SDK1: variants seen among roughly 807,000 people sequenced by gnomAD.
SDK1 encodes sidekick cell adhesion molecule 1.
A neutral mutation model predicts 245.5 loss-of-function variants in SDK1; 157 were observed. That is an observed-to-expected ratio of 0.64 (90% confidence interval 0.56 to 0.73). The LOEUF (loss-of-function observed/expected upper bound fraction) is 0.73, where lower values mean the gene tolerates loss of function less well. Ranked by LOEUF, SDK1 falls within the 30% of genes least tolerant of loss-of-function variation. SDK1 has a pLI of 0.00. For missense variants in SDK1, 3,583 were observed against 3,002.3 expected (o/e 1.19, Z -4.52); for synonymous variants, 1,647 against 1,278.5 (o/e 1.29, Z -6.15).
chr7:4,153,628 A>T (rs538254865), intron 30 of SDK1, among the ~76,000 whole-genome samples: 1 of 152,300 alleles, frequency 6.6e-6, no homozygotes, highest in South Asian at 2.1e-4. Context: ...AGGATATGAT[A>T]CATGAGCTTG....
chr7:3,915,235 C>T (rs1779328635), intron 5 of SDK1, among the ~76,000 whole-genome samples: 1 of 152,206 alleles, frequency 6.6e-6, no homozygotes, highest in Non-Finnish European at 1.5e-5. Context: ...AGCTCACTCG[C>T]TGTAGAAAGC....
At chr7:3,341,360 A>T (rs751542097) in intron 1 of SDK1, among the ~76,000 whole-genome samples, 9 of 152,146 alleles carry the variant, frequency 5.9e-5, no homozygotes, top group Non-Finnish European at 1.3e-4. Flanking sequence ...TTCTCAACTA[A>T]AGAGCATCTA....
chr7:3,908,188 G>A, intron 5 of SDK1, among the ~76,000 whole-genome samples: 1 of 152,140 alleles, frequency 6.6e-6, no homozygotes, highest in East Asian at 1.9e-4. Flanking sequence ...GCACAGAATG[G>A]GCCGTGCGCA....
chr7:4,240,589 A>G (rs896048936), intron 42 of SDK1, among the ~76,000 whole-genome samples: 4 of 152,188 alleles, frequency 2.6e-5, no homozygotes, highest in Non-Finnish European at 4.4e-5. Context: ...CCCAGCAGAG[A>G]GGAGCCTCTT....
rs763745793 is a variant in SDK1 at position 4,220,395 on chromosome 7, A to G, written c.5701+125A>G. ...TGTTGGCGGCCAAGAGCTGGCATCA[A>G]CTCGGGGATGTCTGGGCAACATGGA... On this transcript the variant is annotated intron_variant, in intron 39 of 44. Transcript: ENST00000404826. The G allele has an allele frequency of 4.3e-5, 44 of 1,026,058 alleles. No individual in the cohort carries two copies. The South Asian group carries it at 4.9e-4, about 11-fold the overall frequency. The allele number at this position is 1,026,058 out of a possible 1,614,324, so 63.6% of individuals were successfully genotyped here. A position where few individuals can be genotyped will look rare whatever the true frequency, so the allele number is the denominator to read the frequency against.
At chr7:3,769,146 G>A (rs1177864147) in intron 4 of SDK1, among the ~76,000 whole-genome samples, 2 of 152,148 alleles carry the variant, frequency 1.3e-5, no homozygotes, top group Non-Finnish European at 2.9e-5. Context: ...GAGATCCCAT[G>A]GACCCCTTTA....
chr7:4,082,833 C>T (rs1000232024), intron 22 of SDK1, among the ~76,000 whole-genome samples: 1 of 152,048 alleles, frequency 6.6e-6, no homozygotes, highest in Non-Finnish European at 1.5e-5. Context: ...GTTGCCCAGG[C>T]TGGTCTCGAA....
intron 1 of SDK1, among the ~76,000 whole-genome samples, chr7:3,562,414 C>T (rs796725878): frequency 8.5e-5 from 13 of 152,152 alleles, no homozygotes; most frequent in African/African-American, 3.1e-4. Flanking sequence ...ACTGCATATA[C>T]TACTGAGTTC....
In SDK1 at chr7:3,750,913, A is replaced by G. The variant is rs555665494; in HGVS notation, c.714-70537A>G. ...TGTGCCTGGATGTAGCGCTAACAGCACAGAAGAGGTATATGTCAAGCCTGT... is the reference window on the plus strand; with the variant it reads ...TGTGCCTGGATGTAGCGCTAACAGCGCAGAAGAGGTATATGTCAAGCCTGT... On this transcript the variant is annotated intron_variant, in intron 4 of 44. Coordinates refer to ENST00000404826, the MANE Select transcript of SDK1 (RefSeq NM_152744.4). Among the ~76,000 whole-genome samples the G allele has an allele frequency of 1.6e-4, 25 of 152,350 alleles. No homozygotes were observed. The South Asian group carries it at 4.6e-3, about 28-fold the overall frequency.
intron 1 of SDK1, among the ~76,000 whole-genome samples, chr7:3,576,328 T>C (rs1168612155): frequency 2.6e-5 from 4 of 152,116 alleles, no homozygotes; most frequent in Admixed American, 2.6e-4. Context: ...GGAGTTACAC[T>C]GTGTACTTCT....
intron 4 of SDK1, among the ~76,000 whole-genome samples, chr7:3,810,389 T>C (rs1433575297): frequency 6.6e-6 from 1 of 152,172 alleles, no homozygotes; most frequent in African/African-American, 2.4e-5. Flanking sequence ...TGGCTGGAAA[T>C]GTTTCTGCCT....
chr7:4,046,595 T>A (rs1037053589), intron 17 of SDK1, among the ~76,000 whole-genome samples: 1 of 152,222 alleles, frequency 6.6e-6, no homozygotes, highest in East Asian at 1.9e-4. Flanking sequence ...TGAAAACCAG[T>A]GATATATGTG....
chr7:3,571,919 C>G (rs1167434761), intron 1 of SDK1, among the ~76,000 whole-genome samples: 1 of 152,080 alleles, frequency 6.6e-6, no homozygotes, highest in Admixed American at 6.5e-5. Context: ...CACTCATACT[C>G]TCTTTCCATC....
rs1434941929 is a variant in SDK1, at chr7:4,028,909, A to T, written c.2602+11557A>T. On this transcript the variant is annotated intron_variant, in intron 17 of 44. Transcript: ENST00000404826. The stretch of plus-strand genomic sequence containing the variant: ...CTTGGACGGAGCTCTGCAACACTTG[A>T]TGGGGACAGGACTCCAGGTTCATGT... 2.6e-5 allele frequency among the ~76,000 whole-genome samples: 4 copies of T among 152,168 alleles called. No homozygotes were observed. In the East Asian group the frequency reaches 7.7e-4, roughly 29 times the overall value.
intron 1 of SDK1, among the ~76,000 whole-genome samples, chr7:3,553,500 C>G (rs1779482279): frequency 6.6e-6 from 1 of 152,168 alleles, no homozygotes; most frequent in African/African-American, 2.4e-5. Flanking sequence ...GGCAGGGCAT[C>G]TCACATTCCC....
At chr7:3,398,561 A>G (rs1394556132) in intron 1 of SDK1, among the ~76,000 whole-genome samples, 1 of 152,050 alleles carries the variant, frequency 6.6e-6, no homozygotes, top group East Asian at 1.9e-4. Flanking sequence ...GGCTCCGGGC[A>G]TATTTCAAAA....
chr7:3,864,871 G>A (rs1780782894), intron 5 of SDK1, among the ~76,000 whole-genome samples: 1 of 152,184 alleles, frequency 6.6e-6, no homozygotes, highest in Admixed American at 6.5e-5. Flanking sequence ...AGTGACGATA[G>A]TGCATTCTCT....
At chr7:3,421,731 G>A (rs964264623) in intron 1 of SDK1, among the ~76,000 whole-genome samples, 14 of 152,256 alleles carry the variant, frequency 9.2e-5, no homozygotes, top group Non-Finnish European at 2.9e-5. Flanking sequence ...CTTGACAGTG[G>A]ATGTTATGTC....
chr7:3,490,801 G>GAAA (rs1781842015), intron 1 of SDK1, among the ~76,000 whole-genome samples: 2 of 152,116 alleles, frequency 1.3e-5, no homozygotes, highest in African/African-American at 4.8e-5. Context: ...TCCCACATTT[G>GAAA]GGTAGATGCC....
Sources: gnomAD v4.1 joint callset for allele counts (sites outside exome capture counted in the v4.1 genomes callset) on GRCh38, gnomAD v4.1.1 for gene constraint, MANE v1.5 for transcripts, NCBI Gene and HGNC (gene_info 2026-07-23, HGNC 2026-07-21) for gene names.